The following CPLANE1 variants were observed in gnomAD, a reference collection of about 807,000 sequenced individuals.
CPLANE1 encodes ciliogenesis and planar polarity effector complex subunit 1.
A neutral mutation model predicts 362.5 loss-of-function variants in CPLANE1; 263 were observed. The ratio of observed to expected loss-of-function variants is 0.73; its 90% CI spans 0.66 to 0.80. CPLANE1 has a LOEUF of 0.80. Among genes scored for constraint, CPLANE1 ranks in the 30% least tolerant of loss-of-function variants. The probability of loss-of-function intolerance (pLI) is 0.00; values close to 1 mark genes in which losing one functional copy is unlikely to be tolerated. For synonymous variants in CPLANE1, 1,212 were observed against 1,302.6 expected (o/e 0.93, Z 1.50); for missense variants, 3,461 against 3,793.4 (o/e 0.91, Z 2.30).
chr5:37,213,837 T>C, intron 15 of CPLANE1, 105 bp from the exon 16 acceptor site: 1 of 883,188 alleles, frequency 1.1e-6, no homozygotes, highest in Non-Finnish European at 1.6e-6. Context: ...TACCTTTTTT[T>C]CTGAGATAAG....
intron 24 of CPLANE1, among the ~76,000 whole-genome samples, chr5:37,185,821 C>T (rs183285291): frequency 7.5e-4 from 114 of 152,042 alleles, no homozygotes; most frequent in Admixed American, 3.1e-3. Context: ...TGCATTTTAC[C>T]ACAGTAAGAA....
chr5:37,212,357 TGAA>T, intron 16 of CPLANE1: 1 of 841,368 alleles, frequency 1.2e-6, no homozygotes, highest in South Asian at 1.3e-5. Flanking sequence ...GCTTTTCTCA[TGAA>T]GAACCAGATG....
intron 46 of CPLANE1, among the ~76,000 whole-genome samples, chr5:37,132,921 G>A (rs1766401717): frequency 6.6e-6 from 1 of 152,128 alleles, no homozygotes; most frequent in African/African-American, 2.4e-5. Context: ...ATATTTAAAT[G>A]TTTTATTCAT....
intron 9 of CPLANE1, among the ~76,000 whole-genome samples, chr5:37,229,910 C>CTCA (rs1196715304): frequency 6.6e-6 from 1 of 152,238 alleles, no homozygotes; most frequent in Non-Finnish European, 1.5e-5. Context: ...TTGGTACAGG[C>CTCA]TCATGCCTGT....
In CPLANE1 at chr5:37,209,182, C is replaced by T. The variant is rs934773179; in HGVS notation, c.2921-2757G>A. 6.6e-6 allele frequency among the ~76,000 whole-genome samples: 1 copy of T among 152,212 alleles called. No individual in the cohort carries two copies. Among genetic ancestry groups the T allele is most frequent in the Non-Finnish European group, 1.5e-5 (1 of 68,038 alleles). ...GGAAGCTAGCGTGTTTGTTAGAAAACCTAGTTGGGAGTGCAAGGCAGAGAG... is the reference window on the plus strand; with the variant it reads ...GGAAGCTAGCGTGTTTGTTAGAAAATCTAGTTGGGAGTGCAAGGCAGAGAG... On this transcript the variant is annotated intron_variant, in intron 16 of 52. Transcript: ENST00000651892. The surrounding 1 kb of genome is among the most constrained non-coding windows in gnomAD (Gnocchi z 4.6).
chr5:37,223,089 T>C (rs1795706815), intron 14 of CPLANE1, among the ~76,000 whole-genome samples: 1 of 152,206 alleles, frequency 6.6e-6, no homozygotes. Flanking sequence ...CCTCTCAACT[T>C]AGCTCTTATG....
At position 37,244,560 on chromosome 5, in the gene CPLANE1, T is replaced by C. The variant is rs868110386; in HGVS notation, c.385A>G (p.Ile129Val). Residue 129 changes from isoleucine to valine, a missense_variant, in exon 5 of 53, where the codon ATT (isoleucine) becomes GTT (valine). Around this residue, in one of 2 missense-constraint regions of CPLANE1, gnomAD observed 3,380 missense variants for 3,666.1 expected, o/e 0.92. Transcript: ENST00000651892. ...CATCCAGAAGGTGTTATGAGCACAA[T>C]TCTTTTCCCATTTCCAGATACATAC... ...YLYVSGNGKR[I>V]VLITPSGCIF... 9 of 1,551,554 alleles carry C rather than the reference T, an allele frequency of 5.8e-6. No homozygotes were observed. The Middle Eastern group carries it at 5.0e-4, about 86-fold the overall frequency.
At chr5:37,201,975 A>G (rs1199969119) in intron 18 of CPLANE1, among the ~76,000 whole-genome samples, 167 bp from the exon 19 acceptor site, 1 of 152,238 alleles carries the variant, frequency 6.6e-6, no homozygotes, top group Admixed American at 6.5e-5. Context: ...CTATCTTGTT[A>G]CTTTAAGATT....
intron 43 of CPLANE1, among the ~76,000 whole-genome samples, chr5:37,145,100 C>T (rs1271788418): frequency 6.6e-6 from 1 of 152,058 alleles, no homozygotes; most frequent in Middle Eastern, 3.4e-3. Context: ...GGTCAAGAGA[C>T]TGAGACCATC....
chr5:37,146,271 T>C (rs191161968), intron 43 of CPLANE1, among the ~76,000 whole-genome samples: 2,540 of 152,080 alleles, frequency 0.017, 75 homozygotes, highest in African/African-American at 0.059. Context: ...CTCCGCCTCC[T>C]GAGTTCAAGC....
At chr5:37,145,197 T>TG (rs1561395332) in intron 43 of CPLANE1, among the ~76,000 whole-genome samples, 1 of 151,776 alleles carries the variant, frequency 6.6e-6, no homozygotes, top group Admixed American at 6.6e-5. Flanking sequence ...CCCAGTTACT[T>TG]GGGGGGCTGA....
At chr5:37,136,816 C>T (rs895649600) in intron 46 of CPLANE1, among the ~76,000 whole-genome samples, 1 of 152,230 alleles carries the variant, frequency 6.6e-6, no homozygotes, top group African/African-American at 2.4e-5. Flanking sequence ...TATCTTGGCG[C>T]CTTCTAGCCA....
In CPLANE1 at chr5:37,209,281, C is replaced by T. The variant is rs137987597; in HGVS notation, c.2921-2856G>A. 473 of 733,450 alleles carry T rather than the reference C, an allele frequency of 6.4e-4. 10 individuals are homozygous for T. The East Asian group carries it at 0.012, about 19-fold the overall frequency. 45.4% of individuals were successfully genotyped at this position (733,450 alleles called of 1,614,324 possible). On this transcript the variant is annotated intron_variant, in intron 16 of 52. Transcript: ENST00000651892. The surrounding 1 kb of genome is among the most constrained non-coding windows in gnomAD (Gnocchi z 4.6). ...CTGGAGGGCAGGGATTCCCCCTCGT[C>T]TTGGCCCTACAGCCCCAGCTGGGCA...
At chr5:37,226,254 T>TA (rs940877444) in intron 12 of CPLANE1, 50 bp downstream of exon 12, 48 of 1,261,738 alleles carry the variant, frequency 3.8e-5, no homozygotes, top group African/African-American at 1.7e-4. Flanking sequence ...TCTAAAAAAG[T>TA]AAAAAAAACT....
At chr5:37,133,457 G>A (rs1053642165) in intron 46 of CPLANE1, among the ~76,000 whole-genome samples, 9 of 151,742 alleles carry the variant, frequency 5.9e-5, no homozygotes, top group Non-Finnish European at 1.0e-4. Flanking sequence ...GAAGTGTTTC[G>A]TAGTTCTCCT....
At chr5:37,090,865 C>A in the CPLANE1 span, among the ~76,000 whole-genome samples, 1 of 152,186 alleles carries the variant, frequency 6.6e-6, no homozygotes, top group Non-Finnish European at 1.5e-5. Flanking sequence ...CTTGAGCCCA[C>A]CCTGTGTGCT....
chr5:37,095,842 A>G, the CPLANE1 span, among the ~76,000 whole-genome samples: 1 of 152,190 alleles, frequency 6.6e-6, no homozygotes, highest in African/African-American at 2.4e-5. Context: ...GCTGCAAAAA[A>G]TAAAATGCTT....
Position 37,224,542 on chromosome 5 carries a change from T to G in CPLANE1, c.2490A>C (p.Lys830Asn). The stretch of plus-strand genomic sequence containing the variant: ...TCATAAGATACTGACCATTGATAGA[T>G]TTAAGTTCTAAGGTTTGATTCAAGC... ...GDCLNQTLEL[K>N]SINGEECFLL... The change falls in exon 13 of 53, where the codon AAA (lysine) becomes AAC (asparagine). Residue 830 changes from lysine (K) to asparagine (N), a missense_variant. By Grantham distance (94) the Lys-to-Asn change is moderately conservative. Transcript: ENST00000651892. 1 of 1,547,856 alleles carries G rather than the reference T, an allele frequency of 6.5e-7. No homozygotes were observed. Among genetic ancestry groups the G allele is most frequent in the Non-Finnish European group, 8.7e-7 (1 of 1,143,714 alleles).
At chr5:37,159,600 T>G (rs1776300624) in intron 38 of CPLANE1, among the ~76,000 whole-genome samples, 1 of 152,220 alleles carries the variant, frequency 6.6e-6, no homozygotes, top group African/African-American at 2.4e-5. Flanking sequence ...TGCCTTTTGT[T>G]CTAGGCCTCT....
Sources: gnomAD v4.1 joint callset for allele counts (sites outside exome capture counted in the v4.1 genomes callset) on GRCh38, gnomAD v4.1.1 for gene constraint, gnomAD v4.1.1 regional missense constraint, Gnocchi (gnomAD v3.1) non-coding constraint, MANE v1.5 for transcripts, NCBI Gene and HGNC (gene_info 2026-07-23, HGNC 2026-07-21) for gene names.